SH3BGR: variants seen among roughly 807,000 people sequenced by gnomAD.
SH3BGR encodes SH3 domain binding glutamate rich protein, also known as SH3 domain-binding glutamic acid-rich protein.
A neutral mutation model predicts 24.5 loss-of-function variants in SH3BGR; 29 were observed. That is an observed-to-expected ratio of 1.18 (90% confidence interval 0.88 to 1.61). The LOEUF (loss-of-function observed/expected upper bound fraction) is 1.61. SH3BGR is among the 40% of genes most tolerant of loss of function. SH3BGR has a pLI of 0.00. For missense variants in SH3BGR, 162 were observed against 205.8 expected (o/e 0.79, Z 1.30); for synonymous variants, 55 against 65.7 (o/e 0.84, Z 0.79).
Position 39,452,160 on chromosome 21 carries a change from C to T in SH3BGR, c.45+19C>T. On this transcript the variant is annotated intron_variant, in intron 1 of 6. Transcript: ENST00000333634. ...CATAGCGGTAGGTGTCTGGTGGACT[C>T]TTTCTTCCTATACTCTTTTCTGAAT... The T allele has an allele frequency of 6.2e-7, 1 of 1,613,984 alleles. No homozygotes were observed. Among genetic ancestry groups the T allele is most frequent in the East Asian group, 2.2e-5 (1 of 44,888 alleles).
chr21:39,493,511 A>C (rs914374197), intron 3 of SH3BGR, among the ~76,000 whole-genome samples: 2 of 152,164 alleles, frequency 1.3e-5, no homozygotes, highest in Non-Finnish European at 2.9e-5. Context: ...TGTTTTGGTG[A>C]CTATGGCCTT....
chr21:39,494,807 C>G (rs1469159078), intron 3 of SH3BGR, among the ~76,000 whole-genome samples: 2 of 151,902 alleles, frequency 1.3e-5, no homozygotes, highest in Non-Finnish European at 2.9e-5. Flanking sequence ...CATTTGTTTT[C>G]ATTTCCCCTT....
chr21:39,490,504 T>G (rs2078281309), intron 3 of SH3BGR, among the ~76,000 whole-genome samples: 1 of 152,226 alleles, frequency 6.6e-6, no homozygotes, highest in African/African-American at 2.4e-5. Context: ...TTTAAAAATT[T>G]ATATTATTAG....
intron 3 of SH3BGR, among the ~76,000 whole-genome samples, chr21:39,498,966 A>G (rs771263039): frequency 3.9e-4 from 60 of 152,236 alleles, no homozygotes; most frequent in Non-Finnish European, 6.0e-4. Context: ...AAACTTAGTC[A>G]TGGTGGAAGG....
intron 1 of SH3BGR, among the ~76,000 whole-genome samples, chr21:39,460,070 G>A (rs977616578): frequency 1.3e-5 from 2 of 152,176 alleles, no homozygotes; most frequent in Non-Finnish European, 2.9e-5. Context: ...ACGTTGGTAA[G>A]AAATGGCTAC....
At chr21:39,470,222 A>AT (rs544962391) in intron 2 of SH3BGR, among the ~76,000 whole-genome samples, 203 of 151,992 alleles carry the variant, frequency 1.3e-3, no homozygotes, top group African/African-American at 4.7e-3. Flanking sequence ...ACATACTTAA[A>AT]TTAGTTAAAG....
At chr21:39,465,339 G>A (rs34464506) in intron 2 of SH3BGR, among the ~76,000 whole-genome samples, 3 of 152,256 alleles carry the variant, frequency 2.0e-5, no homozygotes, top group Non-Finnish European at 4.4e-5. Context: ...TCCTATTGCT[G>A]TCTTGAAATT....
chr21:39,482,850 AG>A (rs1465959249), intron 3 of SH3BGR, among the ~76,000 whole-genome samples: 2 of 152,110 alleles, frequency 1.3e-5, no homozygotes, highest in East Asian at 3.9e-4. Context: ...TTGTATTTTT[AG>A]TAGAGACGAG....
rs3831201 is a variant in SH3BGR at position 39,511,744 on chromosome 21, G to GAGA, written c.504_506dup (p.Glu169dup). The GAGA allele has an allele frequency of 0.57, 920,339 of 1,604,962 alleles. 265,263 individuals are homozygous for GAGA. Among genetic ancestry groups the GAGA allele is most frequent in the Admixed American group, 0.7 (41,805 of 59,810 alleles). ...GAGGAGGAGGAAGAAACTGCAGAAG[G>GAGA]AGAAGAGCCTGGAGAAGACGAAGAT... On this transcript the variant is annotated inframe_insertion, in exon 6 of 7. Transcript: ENST00000333634. The surrounding 1 kb of genome is among the most constrained non-coding windows in gnomAD (Gnocchi z 4.2).
intron 4 of SH3BGR, among the ~76,000 whole-genome samples, chr21:39,507,297 T>C (rs1278984081): frequency 6.6e-6 from 1 of 151,848 alleles, no homozygotes; most frequent in Non-Finnish European, 1.5e-5. Flanking sequence ...GATGTGGGAG[T>C]GTGTTGGATG....
intron 3 of SH3BGR, among the ~76,000 whole-genome samples, chr21:39,478,943 CA>C (rs2078072031): frequency 6.6e-6 from 1 of 152,150 alleles, no homozygotes; most frequent in South Asian, 2.1e-4. Flanking sequence ...TTTTCTTTTA[CA>C]TCTTCTTCAA....
Position 39,483,405 on chromosome 21 carries a change from C to T in SH3BGR, c.312+8190C>T, listed in dbSNP as rs1050780066. 5.3e-5 allele frequency among the ~76,000 whole-genome samples: 8 copies of T among 152,158 alleles called. No homozygotes were observed. The East Asian group carries it at 9.6e-4, about 18-fold the overall frequency. On this transcript the variant is annotated intron_variant, in intron 3 of 6. Coordinates refer to ENST00000333634, the MANE Select transcript of SH3BGR (RefSeq NM_007341.3). Reference sequence around the variant, plus strand: ...TCTAGGGACATCCCACTTCCTAGACCCCTTCTCTTGCATTTCTCCTGAGAA... The same window carrying T: ...TCTAGGGACATCCCACTTCCTAGACTCCTTCTCTTGCATTTCTCCTGAGAA...
intron 3 of SH3BGR, among the ~76,000 whole-genome samples, chr21:39,496,596 A>G (rs2078402140): frequency 6.6e-6 from 1 of 152,082 alleles, no homozygotes; most frequent in Non-Finnish European, 1.5e-5. Context: ...GAAATGCATT[A>G]GAATTGATAA....
chr21:39,494,316 A>T (rs986345032), intron 3 of SH3BGR, among the ~76,000 whole-genome samples: 1 of 150,526 alleles, frequency 6.6e-6, no homozygotes, highest in Non-Finnish European at 1.5e-5. Flanking sequence ...CTGATGCCTT[A>T]TGAAGAGTGA....
At chr21:39,491,099 A>G (rs944259218) in intron 3 of SH3BGR, among the ~76,000 whole-genome samples, 3 of 152,156 alleles carry the variant, frequency 2.0e-5, no homozygotes, top group African/African-American at 7.2e-5. Context: ...ATTAACAATT[A>G]ATCATTGACA....
In SH3BGR at chr21:39,478,499, G is replaced by A. The variant is rs772579948; in HGVS notation, c.312+3284G>A. 6.6e-5 allele frequency among the ~76,000 whole-genome samples: 10 copies of A among 152,220 alleles called. No individual in the cohort carries two copies. In the East Asian group the frequency reaches 1.3e-3, roughly 20 times the overall value. ...TTGAAGTTGTACGATGAGGTAGCTG[G>A]TAGAGGTCTTCGTTATTTGTGCTGG... is the stretch of plus-strand genomic sequence containing the variant. On this transcript the variant is annotated intron_variant, in intron 3 of 6. Transcript: ENST00000333634.
intron 3 of SH3BGR, among the ~76,000 whole-genome samples, chr21:39,497,419 TAGA>T (rs1204231764): frequency 9.2e-5 from 14 of 151,646 alleles, no homozygotes; most frequent in African/African-American, 3.4e-4. Context: ...TATAAAGTAA[TAGA>T]AGCATATTTT....
At chr21:39,464,651 G>A (rs1329984492) in intron 2 of SH3BGR, among the ~76,000 whole-genome samples, 1 of 152,194 alleles carries the variant, frequency 6.6e-6, no homozygotes, top group Non-Finnish European at 1.5e-5. Context: ...CAAAAGTCCT[G>A]TGGGTGTGGA....
intron 3 of SH3BGR, among the ~76,000 whole-genome samples, chr21:39,482,488 C>G (rs1230328598): frequency 2.0e-5 from 3 of 152,098 alleles, no homozygotes; most frequent in African/African-American, 7.2e-5. Flanking sequence ...TGTTAGTTTT[C>G]TTAGATGTGA....
Sources: gnomAD v4.1 joint callset for allele counts (sites outside exome capture counted in the v4.1 genomes callset) on GRCh38, gnomAD v4.1.1 for gene constraint, Gnocchi (gnomAD v3.1) non-coding constraint, MANE v1.5 for transcripts, NCBI Gene and HGNC (gene_info 2026-07-23, HGNC 2026-07-21) for gene names.